Variants in SLC30A6 observed in about 807,000 individuals in gnomAD.
SLC30A6 encodes the protein zinc transporter 6.
Under a neutral mutation model 63.0 loss-of-function variants are expected in SLC30A6, and 55 were observed. The observed-to-expected ratio is 0.87, with a 90% CI of 0.70 to 1.09. The LOEUF (loss-of-function observed/expected upper bound fraction) is 1.09. Among genes scored for constraint, SLC30A6 ranks in the 50% least tolerant of loss-of-function variants. The probability of loss-of-function intolerance (pLI) is 0.00; values close to 1 mark genes in which losing one functional copy is unlikely to be tolerated. For synonymous variants in SLC30A6, 224 were observed against 186.1 expected, an observed-to-expected ratio of 1.20 and a Z score of -1.66; for missense variants, 587 against 549.2, an observed-to-expected ratio of 1.07 and a Z score of -0.69.
At chr2:32,202,934 T>C in intron 10 of SLC30A6, 1 of 1,117,394 alleles carries the variant, frequency 8.9e-7, no homozygotes, top group Non-Finnish European at 1.4e-6. Flanking sequence ...CAGCAGTTAC[T>C]GGAGATGTCC....
In SLC30A6 at chr2:32,204,674, T is replaced by C. The variant is rs1340874772; in HGVS notation, c.750T>C (p.Ser250=). ...FGTMYPMSVY[S]GKVLLQTTPP... ...CTATGTATCCCATGAGTGTGTACAGTGGGAAAGTCTTACTCCAGGTAAGGT... is the reference window on the plus strand; with the variant it reads ...CTATGTATCCCATGAGTGTGTACAGCGGGAAAGTCTTACTCCAGGTAAGGT... The change falls in exon 11 of 14, where the codon AGT becomes AGC. Residue 250 remains serine (S), a synonymous_variant. Coordinates refer to ENST00000282587, the MANE Select transcript of SLC30A6 (RefSeq NM_017964.5). 2 of 1,607,730 alleles carry C rather than the reference T, an allele frequency of 1.2e-6. No individual in the cohort carries two copies. The highest frequency in any genetic ancestry group is 3.3e-5 in the Admixed American group (2 of 59,960).
intron 1 of SLC30A6, among the ~76,000 whole-genome samples, chr2:32,167,546 C>T (rs1052841135): frequency 3.3e-5 from 5 of 152,102 alleles, no homozygotes; most frequent in Non-Finnish European, 7.4e-5. Flanking sequence ...CTGTCCTTAT[C>T]AGAATAACCC....
intron 4 of SLC30A6, chr2:32,177,509 C>T (rs918672982): frequency 1.6e-4 from 38 of 238,960 alleles, no homozygotes; most frequent in Non-Finnish European, 3.0e-4. Context: ...CTGGGCTGGT[C>T]TCAAACTCCT....
At chr2:32,204,568 T>C in intron 10 of SLC30A6, 22 bp from the exon 11 acceptor site, 1 of 1,535,340 alleles carries the variant, frequency 6.5e-7, no homozygotes, top group Non-Finnish European at 9.0e-7. Flanking sequence ...ATTTAAAATT[T>C]AGAATTGTTT....
chr2:32,220,310 C>T lies in SLC30A6; in HGVS notation c.983C>T (p.Thr328Ile). The change falls in exon 14 of 14, where the codon ACT (threonine) becomes ATT (isoleucine). Residue 328 changes from threonine to isoleucine, a missense_variant. By Grantham distance (89) the Thr-to-Ile change is moderately conservative. Transcript: ENST00000282587. ...CTGTACACTCTAGTGTCTACTCTAACTGTTCAAATTTTCAAGGATGACTGG... is the reference window on the plus strand; with the variant it reads ...CTGTACACTCTAGTGTCTACTCTAATTGTTCAAATTTTCAAGGATGACTGG... ...NRLYTLVSTL[T>I]VQIFKDDWIR... The T allele has an allele frequency of 6.2e-7, 1 of 1,614,194 alleles. No homozygotes were observed. Among genetic ancestry groups the T allele is most frequent in the Non-Finnish European group, 8.5e-7 (1 of 1,180,034 alleles).
At chr2:32,207,411 C>T (rs1432309889) in intron 12 of SLC30A6, among the ~76,000 whole-genome samples, 2 of 151,578 alleles carry the variant, frequency 1.3e-5, no homozygotes, top group African/African-American at 2.4e-5. Flanking sequence ...GAGTCTTGCT[C>T]TGTCGCCCAG....
intron 13 of SLC30A6, 71 bp downstream of exon 13, chr2:32,209,632 A>C (rs212685): frequency 2.3e-6 from 3 of 1,302,082 alleles, no homozygotes; most frequent in Non-Finnish European, 3.2e-6. Context: ...CTGAAAAAAA[A>C]TATTTCCTTA....
At chr2:32,178,428 C>T (rs914071381) in intron 4 of SLC30A6, among the ~76,000 whole-genome samples, 2 of 152,102 alleles carry the variant, frequency 1.3e-5, no homozygotes, top group Non-Finnish European at 2.9e-5. Flanking sequence ...AATCCCAGCA[C>T]TTTGGGAGGC....
intron 10 of SLC30A6, chr2:32,202,100 C>G: frequency 1.3e-6 from 1 of 756,176 alleles, no homozygotes; most frequent in South Asian, 1.6e-5. Context: ...GAGACCTTAA[C>G]ACATGAACAG....
chr2:32,171,329 G>A lies in SLC30A6; in HGVS notation c.46G>A (p.Gly16Ser), dbSNP rs761681616. Residue 16 changes from glycine (G) to serine (S), a missense_variant, in exon 2 of 14, where the codon GGC (glycine) becomes AGC (serine). Physicochemically the swap from Gly to Ser is moderately conservative, Grantham distance 56. Transcript: ENST00000282587. ...LFRKPQRSFF[G>S]KLLREFRLVA... ...TCGAAAACCACAAAGATCCTTTTTT[G>A]GCAAGTTGTTACGGGAATTTAGACT... 2.2e-5 allele frequency: 36 copies of A among 1,613,434 alleles called. No homozygotes were observed. Among genetic ancestry groups the A allele is most frequent in the Non-Finnish European group, 3.1e-5 (36 of 1,179,770 alleles).
rs10522618 is a variant in SLC30A6, at chr2:32,212,894, ATTTTTT to A, written c.885+3355_885+3360del. Among the ~76,000 whole-genome samples, 556 of 118,222 alleles carry A rather than the reference ATTTTTT, an allele frequency of 4.7e-3. 5 individuals carry two copies. The highest frequency in any genetic ancestry group is 0.017 in the African/African-American group (514 of 30,976). The allele number at this position is 118,222 out of a possible 152,430, so 77.6% of individuals were successfully genotyped here. ...ACAGGAGTGAGCCACTGTGTCCAGC[ATTTTTT>A]TTTTTTTTTTTTTTTTTTTTTAAGG... On this transcript the variant is annotated intron_variant, in intron 13 of 13. Transcript: ENST00000282587.
At position 32,169,124 on chromosome 2, in the gene SLC30A6, A is replaced by T. The variant is rs1680942517; in HGVS notation, c.4-2163A>T. Among the ~76,000 whole-genome samples, 3 of 152,064 alleles carry T rather than the reference A, an allele frequency of 2.0e-5. No individual in the cohort carries two copies. In the South Asian group the frequency reaches 6.2e-4, roughly 32 times the overall value. On this transcript the variant is annotated intron_variant, in intron 1 of 13. Coordinates refer to ENST00000282587, the MANE Select transcript of SLC30A6 (RefSeq NM_017964.5). ...TTCTTTAAGAAAAGAATATATATAC[A>T]TATGTACATACACATATATATAATA...
At chr2:32,211,400 T>C (rs1296945797) in intron 13 of SLC30A6, among the ~76,000 whole-genome samples, 11 of 149,246 alleles carry the variant, frequency 7.4e-5, no homozygotes, top group Admixed American at 7.3e-4. Context: ...TTCAAGTTTC[T>C]TAAAAACACA....
intron 8 of SLC30A6, among the ~76,000 whole-genome samples, chr2:32,195,773 C>T (rs975524231): frequency 2.0e-5 from 3 of 151,970 alleles, no homozygotes; most frequent in African/African-American, 7.2e-5. Flanking sequence ...AACTCCTGGG[C>T]TCAAGCAGTC....
chr2:32,187,236 A>G, intron 5 of SLC30A6: 1 of 471,032 alleles, frequency 2.1e-6, no homozygotes, highest in South Asian at 1.5e-5. Context: ...CAAGACCTTA[A>G]TTCACACCTT....
intron 13 of SLC30A6, chr2:32,214,606 A>G (rs1685544624): frequency 6.6e-6 from 1 of 152,188 alleles, no homozygotes; most frequent in Non-Finnish European, 1.5e-5. Context: ...GATGGCTTAT[A>G]AACACAAAGA....
chr2:32,192,883 A>G, intron 6 of SLC30A6, 35 bp from the exon 7 acceptor site: 4 of 1,341,714 alleles, frequency 3.0e-6, no homozygotes, highest in South Asian at 3.0e-5. Flanking sequence ...TTTATAATTT[A>G]TAGGACTTAT....
rs1192316131 is a variant in SLC30A6, at chr2:32,169,620, T to TA, written c.4-1658dup. On this transcript the variant is annotated intron_variant, in intron 1 of 13. Transcript: ENST00000282587. Reference sequence around the variant, plus strand: ...GGTGAAACCCCGTCTCTACTAAAGGTAAAAAAAAATTAGCCGGGCGTGGTG... The same window carrying TA: ...GGTGAAACCCCGTCTCTACTAAAGGTAAAAAAAAAATTAGCCGGGCGTGGTG... 1.7e-3 allele frequency among the ~76,000 whole-genome samples: 263 copies of TA among 151,750 alleles called. 5 individuals are homozygous for TA. Among genetic ancestry groups the TA allele is most frequent in the Non-Finnish European group, 8.7e-4 (59 of 67,852 alleles).
intron 5 of SLC30A6, among the ~76,000 whole-genome samples, chr2:32,187,636 C>T (rs1682951788): frequency 1.3e-5 from 2 of 152,188 alleles, no homozygotes. Flanking sequence ...GAATTTCAGA[C>T]TACCTTCTTG....
Sources: allele counts gnomAD v4.1 joint callset (sites outside exome capture counted in the v4.1 genomes callset), GRCh38; gene constraint gnomAD v4.1.1; transcripts MANE v1.5; gene names NCBI Gene and HGNC (gene_info 2026-07-23, HGNC 2026-07-21).